The following UFSP2 variants were observed in gnomAD, a reference collection of about 807,000 sequenced individuals.
The protein encoded by UFSP2 is UFM1 specific peptidase 2, also known as ufm1-specific protease 2.
A neutral mutation model predicts 60.2 loss-of-function variants in UFSP2; 43 were observed. The ratio of observed to expected loss-of-function variants is 0.71; its 90% CI spans 0.56 to 0.92. The LOEUF (loss-of-function observed/expected upper bound fraction) is 0.92, where lower values mean the gene tolerates loss of function less well. Ranked by LOEUF, UFSP2 falls within the 40% of genes least tolerant of loss-of-function variation. The pLI, the probability that UFSP2 is intolerant of heterozygous loss-of-function variation, is 0.00. For missense variants in UFSP2, 520 were observed against 575.0 expected, an observed-to-expected ratio of 0.90 and a Z score of 0.98; for synonymous variants, 183 against 195.1, an observed-to-expected ratio of 0.94 and a Z score of 0.52.
At chr4:185,414,612 C>T (rs555844744) in intron 6 of UFSP2, among the ~76,000 whole-genome samples, 1 of 152,218 alleles carries the variant, frequency 6.6e-6, no homozygotes, top group African/African-American at 2.4e-5. Flanking sequence ...AGGTTCTAAG[C>T]GAGTCCACAT....
At chr4:185,407,858 C>A in intron 9 of UFSP2, 78 bp downstream of exon 9, 21 of 1,430,570 alleles carry the variant, frequency 1.5e-5, no homozygotes, top group East Asian at 1.0e-4. Flanking sequence ...GGGAAGATAC[C>A]ATTTTTTCTA....
rs746178029 is a variant in UFSP2, at chr4:185,400,486, G to C, written c.1324-8C>G. The stretch of plus-strand genomic sequence containing the variant: ...CTTCCATCCGCACCAGCCCTGGATA[G>C]AGAAGACGGGAAAGGAAAGCCTTTT... On this transcript the variant is annotated splice_region_variant and splice_polypyrimidine_tract_variant and intron_variant, in intron 11 of 11. Transcript: ENST00000264689. The C allele has an allele frequency of 4.4e-6, 7 of 1,603,970 alleles. No homozygotes were observed. In the East Asian group the frequency reaches 1.6e-4, roughly 36 times the overall value.
chr4:185,422,646 G>A, intron 1 of UFSP2, 83 bp from the exon 2 acceptor site: 1 of 861,036 alleles, frequency 1.2e-6, no homozygotes, highest in East Asian at 2.9e-5. Flanking sequence ...TAAGTTTAGT[G>A]TTAAGACATT....
At position 185,400,262 on chromosome 4, in the gene UFSP2, T is replaced by G; in HGVS notation, c.*130A>C. The stretch of plus-strand genomic sequence containing the variant: ...AAAAATACATTCTCCGTGCAGTATT[T>G]ACAACCTTTGAAAAAGGTCATAATT... On this transcript the variant is annotated 3_prime_UTR_variant, in exon 12 of 12. Transcript: ENST00000264689. The G allele has an allele frequency of 2.4e-6, 2 of 820,176 alleles. No individual in the cohort carries two copies. Among genetic ancestry groups the G allele is most frequent in the South Asian group, 3.7e-5 (2 of 54,746 alleles). The allele number at this position is 820,176 out of a possible 1,614,324, so 50.8% of individuals were successfully genotyped here. A position where few individuals can be genotyped will look rare whatever the true frequency, so the allele number is the denominator to read the frequency against.
In UFSP2 at chr4:185,415,887, T is replaced by TAGTATGACTACA; in HGVS notation, c.334-21_334-20insTGTAGTCATACT. On this transcript the variant is annotated intron_variant, in intron 4 of 11. Coordinates refer to ENST00000264689, the MANE Select transcript of UFSP2 (RefSeq NM_018359.5). ...TTGATGCTATATAGATAAACAGTAATAGTCAACTTGTAGTGCATTAAACAC... is the reference window on the plus strand; with the variant it reads ...TTGATGCTATATAGATAAACAGTAATAGTATGACTACAAGTCAACTTGTAGTGCATTAAACAC... 1 of 1,585,434 alleles carries TAGTATGACTACA rather than the reference T, an allele frequency of 6.3e-7. No individual in the cohort carries two copies. The highest frequency in any genetic ancestry group is 8.6e-7 in the Non-Finnish European group (1 of 1,162,854).
At chr4:185,420,767 C>G (rs958038288) in intron 2 of UFSP2, among the ~76,000 whole-genome samples, 1 of 152,148 alleles carries the variant, frequency 6.6e-6, no homozygotes, top group African/African-American at 2.4e-5. Flanking sequence ...TCTATATTTT[C>G]TGATTAATGA....
chr4:185,410,186 C>T (rs1399572238), intron 7 of UFSP2, among the ~76,000 whole-genome samples: 1 of 151,812 alleles, frequency 6.6e-6, no homozygotes, highest in Non-Finnish European at 1.5e-5. Context: ...TAAATTCTGA[C>T]ATATTTGGAC....
In UFSP2 at chr4:185,399,585, C is replaced by T. The variant is rs368868442; in HGVS notation, c.*807G>A. Reference sequence around the variant, plus strand: ...CTGTTTTCAGTTTATGTAATAAGAACGGGCAAACAGCTGAAGATCTCGCTT... The same window carrying T: ...CTGTTTTCAGTTTATGTAATAAGAATGGGCAAACAGCTGAAGATCTCGCTT... On this transcript the variant is annotated 3_prime_UTR_variant, in exon 12 of 12. Transcript: ENST00000264689. 2.0e-5 allele frequency: 33 copies of T among 1,614,018 alleles called. No homozygotes were observed. The highest frequency in any genetic ancestry group is 1.6e-4 in the Middle Eastern group (1 of 6,084).
intron 1 of UFSP2, among the ~76,000 whole-genome samples, chr4:185,422,913 C>T (rs910154706): frequency 6.6e-6 from 1 of 152,112 alleles, no homozygotes. Flanking sequence ...AGCTGGAGTG[C>T]AGTGGCACAA....
chr4:185,407,908 T>C, intron 9 of UFSP2, 28 bp downstream of exon 9: 1 of 1,594,564 alleles, frequency 6.3e-7, no homozygotes, highest in Non-Finnish European at 8.5e-7. Flanking sequence ...TTTGAAATGA[T>C]TTATCTAATT....
chr4:185,404,855 G>T (rs112766599), intron 10 of UFSP2, among the ~76,000 whole-genome samples: 4 of 152,250 alleles, frequency 2.6e-5, no homozygotes, highest in African/African-American at 9.6e-5. Flanking sequence ...CAAAGTGCTG[G>T]ATTACAGGCA....
intron 7 of UFSP2, 122 bp downstream of exon 7, chr4:185,413,604 G>C (rs183979733): frequency 4.1e-6 from 4 of 971,596 alleles, no homozygotes; most frequent in Non-Finnish European, 5.9e-6. Flanking sequence ...AACAGAGATG[G>C]GTGATAAATC....
rs2095511070 is a variant in UFSP2, at chr4:185,399,836, A to T, written c.*556T>A. On this transcript the variant is annotated 3_prime_UTR_variant, in exon 12 of 12. Transcript: ENST00000264689. ...GTGATCTCTTGTTTGCATAGCATTT[A>T]TTATTCCATTTAATACTGACACTCG... The T allele has an allele frequency of 6.2e-7, 1 of 1,600,620 alleles. No homozygotes were observed. The highest frequency in any genetic ancestry group is 8.5e-7 in the Non-Finnish European group (1 of 1,172,694).
At position 185,416,401 on chromosome 4, in the gene UFSP2, T is replaced by A. The variant is rs1387969661; in HGVS notation, c.334-534A>T. Among the ~76,000 whole-genome samples, 6 of 152,164 alleles carry A rather than the reference T, an allele frequency of 3.9e-5. No homozygotes were observed. In the East Asian group the frequency reaches 9.6e-4, roughly 24 times the overall value. ...ATATACCCCTGGTCTAATACATAAA[T>A]AACTATAATCAAATACTGAACTCTA... On this transcript the variant is annotated intron_variant, in intron 4 of 11. Transcript: ENST00000264689.
At chr4:185,424,198 C>T (rs1330448731) in intron 1 of UFSP2, among the ~76,000 whole-genome samples, 1 of 151,376 alleles carries the variant, frequency 6.6e-6, no homozygotes. Flanking sequence ...TCCAGCTACT[C>T]GGGAGGTTAA....
chr4:185,409,150 G>A (rs955415437), intron 7 of UFSP2, among the ~76,000 whole-genome samples: 1 of 151,974 alleles, frequency 6.6e-6, no homozygotes, highest in Non-Finnish European at 1.5e-5. Flanking sequence ...ATAAAGGAAT[G>A]AACAAACAAA....
intron 7 of UFSP2, among the ~76,000 whole-genome samples, chr4:185,409,305 T>C (rs2095525314): frequency 6.6e-6 from 1 of 152,240 alleles, no homozygotes; most frequent in Non-Finnish European, 1.5e-5. Context: ...ATATAAATTC[T>C]TACTTATAGT....
chr4:185,407,018 T>TTC, intron 9 of UFSP2, among the ~76,000 whole-genome samples: 2 of 1,862 alleles, frequency 1.1e-3, no homozygotes, highest in Middle Eastern at 0.2. Context: ...TTGGCTTTTC[T>TTC]TTTTTTTTTT....
intron 7 of UFSP2, among the ~76,000 whole-genome samples, chr4:185,409,859 A>G (rs1181307753): frequency 6.6e-6 from 1 of 152,178 alleles, no homozygotes; most frequent in African/African-American, 2.4e-5. Flanking sequence ...GGAGGCAGAG[A>G]TCGGAATGAT....
Sources: gnomAD v4.1 joint callset for allele counts (sites outside exome capture counted in the v4.1 genomes callset) on GRCh38, gnomAD v4.1.1 for gene constraint, MANE v1.5 for transcripts, NCBI Gene and HGNC (gene_info 2026-07-23, HGNC 2026-07-21) for gene names.